ANKRD33B: variants seen among roughly 807,000 people sequenced by gnomAD.
ANKRD33B encodes the protein ankyrin repeat domain 33B.
In ANKRD33B, 6 loss-of-function variants were observed where a neutral mutation model predicts 21.5. The observed-to-expected ratio is 0.28, with a 90% CI of 0.15 to 0.55. The LOEUF is 0.55. Ranked by LOEUF, ANKRD33B falls within the 20% of genes least tolerant of loss-of-function variation. The pLI, the probability that ANKRD33B is intolerant of heterozygous loss-of-function variation, is 0.94. For missense variants in ANKRD33B, 698 were observed against 747.2 expected (o/e 0.93, Z 0.77); for synonymous variants, 347 against 342.4 (o/e 1.01, Z -0.15).
In ANKRD33B at chr5:10,622,809, T is replaced by A. The variant is rs559163635; in HGVS notation, c.496+4347T>A. On this transcript the variant is annotated intron_variant, in intron 2 of 3. Transcript: ENST00000296657. ...TTTGTTTTTGCTTTATTTTATTTTA[T>A]TTTTTTTTTTTTCTGGCTTGCTCAT... Among the ~76,000 whole-genome samples, 660 of 145,008 alleles carry A rather than the reference T, an allele frequency of 4.6e-3. 10 individuals carry two copies. The highest frequency in any genetic ancestry group is 0.016 in the African/African-American group (610 of 38,362).
At chr5:10,572,538 G>A (rs1023455366) in intron 1 of ANKRD33B, among the ~76,000 whole-genome samples, 4 of 152,212 alleles carry the variant, frequency 2.6e-5, no homozygotes, top group African/African-American at 4.8e-5. Flanking sequence ...AGGTGCTCCC[G>A]TGGTGGAGCC....
intron 1 of ANKRD33B, among the ~76,000 whole-genome samples, chr5:10,611,796 C>T (rs1182915133): frequency 6.6e-6 from 1 of 152,212 alleles, no homozygotes; most frequent in African/African-American, 2.4e-5. Flanking sequence ...TGCAGACAAA[C>T]CTGAACTCCT....
chr5:10,616,551 T>G, intron 1 of ANKRD33B, among the ~76,000 whole-genome samples: 1 of 103,946 alleles, frequency 9.6e-6, no homozygotes, highest in Non-Finnish European at 1.8e-5. Context: ...GCAACAAGAG[T>G]GAAACTCTGT....
chr5:10,574,858 C>T (rs371862507), intron 1 of ANKRD33B, among the ~76,000 whole-genome samples: 1 of 59,798 alleles, frequency 1.7e-5, no homozygotes, highest in African/African-American at 4.7e-5. Flanking sequence ...AGCGGGAGAG[C>T]TGCTTAAGGC....
intron 1 of ANKRD33B, among the ~76,000 whole-genome samples, chr5:10,604,252 C>T (rs1446407562): frequency 1.6e-5 from 2 of 126,772 alleles, no homozygotes; most frequent in Non-Finnish European, 3.2e-5. Context: ...AGTACAGTGG[C>T]GTGATCTCGG....
At chr5:10,587,781 A>G (rs1465019810) in intron 1 of ANKRD33B, among the ~76,000 whole-genome samples, 4 of 152,204 alleles carry the variant, frequency 2.6e-5, no homozygotes, top group Admixed American at 6.5e-5. Flanking sequence ...GGGTATTTCT[A>G]TATTAGAAAT....
chr5:10,591,195 G>GTTTTTTTT lies in ANKRD33B; in HGVS notation c.366+26370_366+26377dup, dbSNP rs112409223. Among the ~76,000 whole-genome samples the GTTTTTTTT allele has an allele frequency of 3.8e-5, 5 of 132,068 alleles. 1 individual carries two copies. Among genetic ancestry groups the GTTTTTTTT allele is most frequent in the Non-Finnish European group, 7.8e-5 (5 of 63,986 alleles). 86.6% of individuals were successfully genotyped at this position (132,068 alleles called of 152,430 possible). A position where few individuals can be genotyped will look rare whatever the true frequency, so the allele number is the denominator to read the frequency against. On this transcript the variant is annotated intron_variant, in intron 1 of 3. Transcript: ENST00000296657. ...ATAGTCATCTACATTTTTTTTAGTGGTTTTTTTTTTTTTTTGAGATGGAGT... is the reference window on the plus strand; with the variant it reads ...ATAGTCATCTACATTTTTTTTAGTGGTTTTTTTTTTTTTTTTTTTTTTTGAGATGGAGT...
chr5:10,565,974 G>A (rs1208988588), intron 1 of ANKRD33B, among the ~76,000 whole-genome samples: 1 of 152,198 alleles, frequency 6.6e-6, no homozygotes, highest in African/African-American at 2.4e-5. Flanking sequence ...CAAGTGGTTT[G>A]CCCTGACTGT....
intron 1 of ANKRD33B, among the ~76,000 whole-genome samples, chr5:10,582,989 CT>C (rs5865896): frequency 0.53 from 72,940 of 138,380 alleles, 19,633 homozygotes; most frequent in African/African-American, 0.73. Context: ...ATTGTCCCTG[CT>C]TTTTTTTTTT....
At position 10,649,419 on chromosome 5, in the gene ANKRD33B, C is replaced by T. The variant is rs776453902; in HGVS notation, c.791C>T (p.Pro264Leu). The T allele has an allele frequency of 2.6e-6, 4 of 1,535,402 alleles. No homozygotes were observed. Among genetic ancestry groups the T allele is most frequent in the Middle Eastern group, 1.7e-4 (1 of 5,826 alleles). ...TGGGAGAAGTACCGGCCCGAGCTGCCGCCGCCCCCTGAAGCGGCGCGGAAG... is the reference window on the plus strand; with the variant it reads ...TGGGAGAAGTACCGGCCCGAGCTGCTGCCGCCCCCTGAAGCGGCGCGGAAG... ...QFWEKYRPEL[P>L]PPPEAARKPA... The change falls in exon 4 of 4, where the codon CCG becomes CTG. Residue 264 changes from proline to leucine, a missense_variant. Coordinates refer to ENST00000296657, the MANE Select transcript of ANKRD33B (RefSeq NM_001164440.2).
chr5:10,605,534 CT>C (rs35088716), intron 1 of ANKRD33B, among the ~76,000 whole-genome samples: 51 of 146,704 alleles, frequency 3.5e-4, no homozygotes, highest in Middle Eastern at 3.6e-3. Context: ...TTTCTTCTTC[CT>C]TTTTTTTTTT....
chr5:10,587,659 C>T (rs528486360), intron 1 of ANKRD33B, among the ~76,000 whole-genome samples: 2 of 150,670 alleles, frequency 1.3e-5, no homozygotes, highest in East Asian at 1.9e-4. Flanking sequence ...GTGAATTTTT[C>T]GGTGTTCTTT....
intron 1 of ANKRD33B, among the ~76,000 whole-genome samples, chr5:10,603,438 T>C (rs1006206966): frequency 1.3e-5 from 2 of 150,266 alleles, no homozygotes; most frequent in African/African-American, 4.9e-5. Flanking sequence ...AATTGTTGTA[T>C]TTTTAGTAGA....
At position 10,649,725 on chromosome 5, in the gene ANKRD33B, G is replaced by A. The variant is rs1483554827; in HGVS notation, c.1097G>A (p.Gly366Glu). Residue 366 changes from glycine to glutamate, a missense_variant, in exon 4 of 4, where the codon GGG (glycine) becomes GAG (glutamate). By Grantham distance (98) the Gly-to-Glu change is moderately conservative (BLOSUM62 -2). This residue lies in a region of ANKRD33B where 543 missense variants were observed against 566.5 expected (regional missense o/e 0.96). Transcript: ENST00000296657. ...GAGGAGGATGAGGTGGGGGGCGCGG[G>A]GCAGCGCGGGCGGACCGGACAGGAG... ...AQEEDEVGGA[G>E]QRGRTGQEDA... The A allele has an allele frequency of 2.0e-6, 3 of 1,490,600 alleles. No individual in the cohort carries two copies. Among genetic ancestry groups the A allele is most frequent in the African/African-American group, 2.8e-5 (2 of 70,674 alleles). The allele number at this position is 1,490,600 out of a possible 1,614,324, so 92.3% of individuals were successfully genotyped here.
At chr5:10,643,316 G>A (rs1047900350) in intron 3 of ANKRD33B, among the ~76,000 whole-genome samples, 1 of 152,114 alleles carries the variant, frequency 6.6e-6, no homozygotes, top group Non-Finnish European at 1.5e-5. Context: ...CTACCCACAA[G>A]ATGACTGTAG....
rs1454073824 is a variant in ANKRD33B, at chr5:10,650,808, C to T, written c.*695C>T. On this transcript the variant is annotated 3_prime_UTR_variant, in exon 4 of 4. Coordinates refer to ENST00000296657, the MANE Select transcript of ANKRD33B (RefSeq NM_001164440.2). ...CATATAGTAATATATTGAGGAAAAA[C>T]ATATTGTCAAATTATAAAACAATGG... 1 of 152,338 alleles carries T rather than the reference C, an allele frequency of 6.6e-6. No individual in the cohort carries two copies. The highest frequency in any genetic ancestry group is 2.4e-5 in the African/African-American group (1 of 41,452). The allele number at this position is 152,338 out of a possible 1,614,324, so 9.4% of individuals were successfully genotyped here. A position where few individuals can be genotyped will look rare whatever the true frequency, so the allele number is the denominator to read the frequency against.
intron 1 of ANKRD33B, among the ~76,000 whole-genome samples, chr5:10,568,341 A>G (rs1253732864): frequency 6.6e-6 from 1 of 152,132 alleles, no homozygotes. Flanking sequence ...CTTCTCTTCC[A>G]CTTACTATCA....
rs1220384386 is a variant in ANKRD33B at position 10,649,697 on chromosome 5, CAGG to C, written c.1077_1079del (p.Glu359del). 1 of 1,518,862 alleles carries C rather than the reference CAGG, an allele frequency of 6.6e-7. No individual in the cohort carries two copies. The highest frequency in any genetic ancestry group is 2.0e-5 in the Admixed American group (1 of 49,904). 94.1% of individuals were successfully genotyped at this position (1,518,862 alleles called of 1,614,324 possible). On this transcript the variant is annotated inframe_deletion, in exon 4 of 4. Coordinates refer to ENST00000296657, the MANE Select transcript of ANKRD33B (RefSeq NM_001164440.2). ...GCGGGCTGCACGGGGCCCCCAGGCG[CAGG>C]AGGAGGATGAGGTGGGGGGCGCGGG...
chr5:10,631,968 G>A (rs1011507053), intron 2 of ANKRD33B, among the ~76,000 whole-genome samples: 4 of 152,194 alleles, frequency 2.6e-5, no homozygotes, highest in African/African-American at 9.7e-5. Context: ...CAGTGGAGGA[G>A]TCTTTAGAAC....
Sources: allele counts gnomAD v4.1 joint callset (sites outside exome capture counted in the v4.1 genomes callset), GRCh38; gene constraint gnomAD v4.1.1; regional missense constraint gnomAD v4.1.1; transcripts MANE v1.5; gene names NCBI Gene and HGNC (gene_info 2026-07-23, HGNC 2026-07-21).